The following NBAS variants were observed in gnomAD, a reference collection of about 807,000 sequenced individuals.
The protein encoded by NBAS is NBAS subunit of NRZ tethering complex.
In NBAS, 219 loss-of-function variants were observed where a neutral mutation model predicts 302.5. The ratio of observed to expected loss-of-function variants is 0.72; its 90% confidence interval spans 0.65 to 0.81. NBAS has a LOEUF of 0.81. Among genes scored for constraint, NBAS ranks in the 30% least tolerant of loss-of-function variants. The pLI is 0.00. For missense variants in NBAS, 2,932 were observed against 2,841.6 expected (o/e 1.03, Z -0.72); for synonymous variants, 1,118 against 1,021.6 (o/e 1.09, Z -1.80).
intron 5 of NBAS, among the ~76,000 whole-genome samples, chr2:15,552,793 ATTTTT>A (rs140817288): frequency 3.9e-5 from 5 of 129,410 alleles, no homozygotes; most frequent in Non-Finnish European, 3.3e-5. Context: ...AAGCATACCT[ATTTTT>A]TTTTTTTTTT....
In NBAS at chr2:15,504,060, C is replaced by A. The variant is rs763525512; in HGVS notation, c.954+85G>T. 4.8e-6 allele frequency: 5 copies of A among 1,052,098 alleles called. No individual in the cohort carries two copies. In the South Asian group the frequency reaches 6.3e-5, roughly 13 times the overall value. The allele number at this position is 1,052,098 out of a possible 1,614,324, so 65.2% of individuals were successfully genotyped here. ...CACTCAGATGAAGATACAAAAAATT[C>A]GAGGTTCATTCAGCTTTGACCTTAA... On this transcript the variant is annotated intron_variant, in intron 11 of 51. Coordinates refer to ENST00000281513, the MANE Select transcript of NBAS (RefSeq NM_015909.4).
the NBAS span, among the ~76,000 whole-genome samples, chr2:15,088,055 G>A: frequency 3.9e-5 from 6 of 152,208 alleles, no homozygotes; most frequent in Admixed American, 1.3e-4. Context: ...CCCGTAGGGT[G>A]AGCTGCACCA....
At chr2:14,819,226 G>T in the NBAS span, among the ~76,000 whole-genome samples, 1 of 152,204 alleles carries the variant, frequency 6.6e-6, no homozygotes, top group African/African-American at 2.4e-5. Context: ...GAACATGTTT[G>T]TGAATGAAAG....
chr2:15,363,713 T>A (rs566855577), intron 32 of NBAS, among the ~76,000 whole-genome samples: 1 of 152,346 alleles, frequency 6.6e-6, no homozygotes, highest in South Asian at 2.1e-4. Flanking sequence ...TTGTTGTTAA[T>A]GGAAACTTTT....
chr2:14,931,736 C>T, the NBAS span, among the ~76,000 whole-genome samples: 1 of 152,124 alleles, frequency 6.6e-6, no homozygotes, highest in Non-Finnish European at 1.5e-5. Context: ...TTGTGTGAGG[C>T]CCCAACAGGA....
the NBAS span, among the ~76,000 whole-genome samples, chr2:14,785,550 A>AG: frequency 6.6e-6 from 1 of 152,164 alleles, no homozygotes; most frequent in African/African-American, 2.4e-5. Context: ...ATTTTGTCAA[A>AG]GGCCTTTTCT....
chr2:15,522,135 A>C (rs1289555838), intron 9 of NBAS, among the ~76,000 whole-genome samples: 2 of 152,222 alleles, frequency 1.3e-5, no homozygotes, highest in African/African-American at 4.8e-5. Context: ...TAGAGAAGTA[A>C]ATGATCAGAG....
intron 42 of NBAS, among the ~76,000 whole-genome samples, chr2:15,285,488 TC>T (rs891521449): frequency 6.6e-6 from 1 of 152,078 alleles, no homozygotes; most frequent in Non-Finnish European, 1.5e-5. Context: ...CTCTGTTCTT[TC>T]CCCAAGCATA....
the NBAS span, among the ~76,000 whole-genome samples, chr2:14,967,863 C>T: frequency 2.0e-5 from 3 of 152,148 alleles, no homozygotes. Context: ...TGATGTTTTC[C>T]TCTTGGCAGC....
the NBAS span, among the ~76,000 whole-genome samples, chr2:14,981,597 T>G: frequency 1.3e-5 from 2 of 152,212 alleles, no homozygotes; most frequent in Non-Finnish European, 2.9e-5. Context: ...TAGCCCTCTT[T>G]GTATCTGGGC....
intron 11 of NBAS, among the ~76,000 whole-genome samples, chr2:15,489,511 G>A (rs1472428524): frequency 6.6e-6 from 1 of 152,142 alleles, no homozygotes; most frequent in Non-Finnish European, 1.5e-5. Flanking sequence ...GAGAAAGAGT[G>A]CAAGAATGAT....
At chr2:15,498,634 G>A (rs1439041999) in intron 11 of NBAS, among the ~76,000 whole-genome samples, 1 of 152,146 alleles carries the variant, frequency 6.6e-6, no homozygotes, top group African/African-American at 2.4e-5. Context: ...CAAATTGGAG[G>A]GGCCTGATGG....
chr2:14,859,830 T>C, the NBAS span, among the ~76,000 whole-genome samples: 1 of 151,932 alleles, frequency 6.6e-6, no homozygotes, highest in Non-Finnish European at 1.5e-5. Context: ...AACAGACAAA[T>C]GGGATTACAT....
the NBAS span, among the ~76,000 whole-genome samples, chr2:15,127,439 C>T: frequency 6.6e-6 from 1 of 152,222 alleles, no homozygotes; most frequent in African/African-American, 2.4e-5. Context: ...AATCTTCTGG[C>T]TTCTTCCCTG....
chr2:15,167,242 A>C lies in NBAS; in HGVS notation c.6922T>G (p.Phe2308Val). 6.2e-7 allele frequency: 1 copy of C among 1,614,284 alleles called. No individual in the cohort carries two copies. The highest frequency in any genetic ancestry group is 1.7e-5 in the Admixed American group (1 of 60,038). ...AGGTGGTCAACAATACGTGGATAGA[A>C]GGGAGTGGAGACACACTTCACCAGC... ...KLLVKCVSTP[F>V]YPRIVDHLLA... is the part of the protein sequence containing the mutation. The change falls in exon 52 of 52, where the codon TTC (phenylalanine) becomes GTC (valine). Residue 2308 changes from phenylalanine to valine, a missense_variant. By Grantham distance (50) the Phe-to-Val change is conservative. Transcript: ENST00000281513.
the NBAS span, among the ~76,000 whole-genome samples, chr2:14,870,338 G>A: frequency 1.3e-5 from 2 of 152,228 alleles, no homozygotes; most frequent in East Asian, 3.8e-4. Flanking sequence ...GTCTTTGGCT[G>A]AGTGTTGATC....
intron 31 of NBAS, among the ~76,000 whole-genome samples, chr2:15,372,201 C>G (rs1457710035): frequency 6.6e-6 from 1 of 152,132 alleles, no homozygotes; most frequent in Non-Finnish European, 1.5e-5. Flanking sequence ...TATTCAAAGG[C>G]TGTTCATTTA....
rs776384744 is a variant in NBAS at position 15,356,381 on chromosome 2, T to A, written c.3853A>T (p.Ile1285Phe). The change falls in exon 33 of 52, where the codon ATC (isoleucine) becomes TTC (phenylalanine). Residue 1285 changes from isoleucine to phenylalanine, a missense_variant. Transcript: ENST00000281513. ...NPEERRGQVL[I>F]LLVEQALRFH... Reference sequence around the variant, plus strand: ...CGAAGTGCCTGCTCCACTAAAAGGATTAGAACCTGTCCCCGCCTTTCTTCT... The same window carrying A: ...CGAAGTGCCTGCTCCACTAAAAGGAATAGAACCTGTCCCCGCCTTTCTTCT... 6.2e-7 allele frequency: 1 copy of A among 1,613,886 alleles called. No homozygotes were observed. Among genetic ancestry groups the A allele is most frequent in the Admixed American group, 1.7e-5 (1 of 60,012 alleles).
chr2:15,088,179 G>A, the NBAS span, among the ~76,000 whole-genome samples: 1 of 152,128 alleles, frequency 6.6e-6, no homozygotes, highest in Non-Finnish European at 1.5e-5. Context: ...AGAGGGTCAT[G>A]GTTTCTCTCA....
Sources: gnomAD v4.1 joint callset for allele counts (sites outside exome capture counted in the v4.1 genomes callset) on GRCh38, gnomAD v4.1.1 for gene constraint, MANE v1.5 for transcripts, NCBI Gene and HGNC (gene_info 2026-07-23, HGNC 2026-07-21) for gene names.